RELN: variants seen among roughly 807,000 people sequenced by gnomAD.
RELN encodes the protein reelin.
In RELN, 108 loss-of-function variants were observed where a neutral mutation model predicts 427.6. The observed-to-expected ratio is 0.25, with a 90% confidence interval of 0.22 to 0.30. The LOEUF (loss-of-function observed/expected upper bound fraction) is 0.30. RELN is among the 10% of genes least tolerant of loss of function. The pLI, the probability that RELN is intolerant of heterozygous loss-of-function variation, is 1.00. For missense variants in RELN, 3,715 were observed against 4,302.8 expected, an observed-to-expected ratio of 0.86 and a Z score of 3.82; for synonymous variants, 1,524 against 1,513.4, an observed-to-expected ratio of 1.01 and a Z score of -0.16.
rs146922726 is a variant in RELN at position 103,697,995 on chromosome 7, C to T, written c.1001G>A (p.Arg334His). 364 of 1,613,774 alleles carry T rather than the reference C, an allele frequency of 2.3e-4. 1 individual carries two copies. The African/African-American group carries it at 2.3e-3, about 10-fold the overall frequency. The stretch of plus-strand genomic sequence containing the variant: ...GCAGGCTTCATACACTTCACCTACA[C>T]GAAGATTTTCCTGCTTCCACTGAAA... Reference protein sequence around the residue: ...VQFQWKQENLRVGEVYEACWA... With the variant: ...VQFQWKQENLHVGEVYEACWA... The change falls in exon 10 of 65, where the codon CGT becomes CAT. Residue 334 changes from arginine to histidine, a missense_variant. By Grantham distance (29) the Arg-to-His change is conservative (BLOSUM62 0). Around this residue, in one of 4 missense-constraint regions of RELN, gnomAD observed 2,208 missense variants for 2,361.7 expected, o/e 0.93. Transcript: ENST00000428762.
chr7:103,476,767 TTTATC>T (rs762307235), intron 64 of RELN: 5 of 379,420 alleles, frequency 1.3e-5, no homozygotes, highest in African/African-American at 6.3e-5. Context: ...ATTTTTAACA[TTTATC>T]TTATATTTAC....
chr7:103,738,672 C>CTTTTTTTT (rs57390524), intron 6 of RELN, among the ~76,000 whole-genome samples: 2 of 70,466 alleles, frequency 2.8e-5, no homozygotes, highest in African/African-American at 6.5e-5. Context: ...TCCTTCCTTC[C>CTTTTTTTT]TTTTTTTTTT....
intron 4 of RELN, among the ~76,000 whole-genome samples, chr7:103,764,328 C>T (rs929385852): frequency 6.6e-6 from 1 of 152,130 alleles, no homozygotes; most frequent in Non-Finnish European, 1.5e-5. Flanking sequence ...TTGATACTAT[C>T]CCTTTCCCTA....
chr7:103,695,591 C>A (rs1034447530), intron 10 of RELN, among the ~76,000 whole-genome samples: 3 of 151,978 alleles, frequency 2.0e-5, no homozygotes, highest in African/African-American at 7.2e-5. Flanking sequence ...AATGAGAAAC[C>A]AAATAGCTAA....
Position 103,722,493 on chromosome 7 carries a change from A to C in RELN, c.805+647T>G, listed in dbSNP as rs147876019. Among the ~76,000 whole-genome samples the C allele has an allele frequency of 4.3e-3, 661 of 152,254 alleles. 7 individuals are homozygous for C. Among genetic ancestry groups the C allele is most frequent in the African/African-American group, 0.015 (633 of 41,556 alleles). On this transcript the variant is annotated intron_variant, in intron 8 of 64. Coordinates refer to ENST00000428762, the MANE Select transcript of RELN (RefSeq NM_005045.4). ...CTTCCCCTAGAACATTTCCTCTGTA[A>C]ATTTATACAAGTTATTTATAAATAC...
intron 53 of RELN, 140 bp from the exon 54 acceptor site, chr7:103,498,392 G>C (rs556152235): frequency 1.3e-5 from 10 of 755,982 alleles, no homozygotes; most frequent in Non-Finnish European, 2.2e-5. Context: ...TTTAAAAAAG[G>C]CTATTTCCAC....
intron 2 of RELN, among the ~76,000 whole-genome samples, chr7:103,907,512 A>G (rs1286247336): frequency 1.3e-5 from 2 of 150,470 alleles, no homozygotes; most frequent in African/African-American, 4.9e-5. Context: ...GCAAATCCGT[A>G]GAGACAGAAA....
chr7:103,753,325 A>C, intron 4 of RELN, 111 bp from the exon 5 acceptor site: 2 of 1,060,480 alleles, frequency 1.9e-6, no homozygotes, highest in Non-Finnish European at 1.5e-6. Flanking sequence ...AGCAAATCAA[A>C]TGGCTACAGA....
chr7:103,544,430 T>C (rs532125513), intron 42 of RELN, among the ~76,000 whole-genome samples: 1 of 151,988 alleles, frequency 6.6e-6, no homozygotes, highest in Non-Finnish European at 1.5e-5. Context: ...TTTCACCACG[T>C]TGGCCAGGCT....
chr7:103,554,714 G>C (rs965459242), intron 38 of RELN, among the ~76,000 whole-genome samples: 4 of 152,086 alleles, frequency 2.6e-5, no homozygotes, highest in African/African-American at 9.7e-5. Flanking sequence ...TCAAATAATA[G>C]CAGTGCTATG....
chr7:103,611,267 T>C (rs1244754253), intron 21 of RELN, among the ~76,000 whole-genome samples: 1 of 152,170 alleles, frequency 6.6e-6, no homozygotes, highest in South Asian at 2.1e-4. Context: ...GGTCTACCTA[T>C]AGGTAGAGAC....
intron 1 of RELN, among the ~76,000 whole-genome samples, chr7:103,926,589 C>T (rs192766273): frequency 1.4e-5 from 2 of 146,148 alleles, no homozygotes; most frequent in African/African-American, 5.0e-5. Context: ...ATTCCTAATA[C>T]ACATAGTTAA....
intron 2 of RELN, among the ~76,000 whole-genome samples, chr7:103,840,263 G>A (rs953955825): frequency 6.6e-6 from 1 of 152,250 alleles, no homozygotes; most frequent in Non-Finnish European, 1.5e-5. Flanking sequence ...CTGGATTCCA[G>A]TCAGTGCCCT....
At chr7:103,897,886 A>G (rs17157128) in intron 2 of RELN, among the ~76,000 whole-genome samples, 16,938 of 152,088 alleles carry the variant, frequency 0.11, 1,167 homozygotes, top group East Asian at 0.27. Flanking sequence ...ATCCTATTTA[A>G]TATCAAGACC....
chr7:103,950,195 C>T (rs999208038), intron 1 of RELN, among the ~76,000 whole-genome samples: 2 of 152,194 alleles, frequency 1.3e-5, no homozygotes, highest in South Asian at 4.2e-4. Context: ...ACGAAGGTTC[C>T]GCCCTCATGA....
chr7:103,593,586 A>G (rs1831470017), intron 27 of RELN, 96 bp downstream of exon 27: 1 of 1,063,504 alleles, frequency 9.4e-7, no homozygotes, highest in Non-Finnish European at 1.5e-6. Context: ...CTTTAATAGA[A>G]TATGAAAAAT....
intron 4 of RELN, among the ~76,000 whole-genome samples, chr7:103,761,042 C>T (rs1791286110): frequency 6.6e-6 from 1 of 152,108 alleles, no homozygotes; most frequent in South Asian, 2.1e-4. Flanking sequence ...TAAAAGATTT[C>T]TTAATATTTA....
Position 103,700,895 on chromosome 7 carries a change from T to G in RELN, c.902+15A>C. 2 of 1,496,028 alleles carry G rather than the reference T, an allele frequency of 1.3e-6. No individual in the cohort carries two copies. Among genetic ancestry groups the G allele is most frequent in the Non-Finnish European group, 1.9e-6 (2 of 1,072,818 alleles). The allele number at this position is 1,496,028 out of a possible 1,614,324, so 92.7% of individuals were successfully genotyped here. A position where few individuals can be genotyped will look rare whatever the true frequency, so the allele number is the denominator to read the frequency against. ...TATGTCAGAATTTATGAAAATACTT[T>G]AAATTACAACAAACCTAATTTTCTC... On this transcript the variant is annotated intron_variant, in intron 9 of 64. Transcript: ENST00000428762.
chr7:103,707,244 G>C (rs1284084293), intron 8 of RELN, among the ~76,000 whole-genome samples: 11 of 151,760 alleles, frequency 7.2e-5, no homozygotes, highest in Admixed American at 7.2e-4. Context: ...GCGCTCAAAA[G>C]AAATACACAA....
Sources: gnomAD v4.1 joint callset for allele counts (sites outside exome capture counted in the v4.1 genomes callset) on GRCh38, gnomAD v4.1.1 for gene constraint, gnomAD v4.1.1 regional missense constraint, MANE v1.5 for transcripts, NCBI Gene and HGNC (gene_info 2026-07-23, HGNC 2026-07-21) for gene names.